The following IGF2BP1 variants were observed in gnomAD, a reference collection of about 807,000 sequenced individuals.
The protein encoded by IGF2BP1 is insulin like growth factor 2 mRNA binding protein 1.
IGF2BP1 carries 11 observed loss-of-function variants against 74.9 expected under a neutral mutation model. The ratio of observed to expected loss-of-function variants is 0.15; its 90% CI spans 0.09 to 0.24. The LOEUF (loss-of-function observed/expected upper bound fraction) is 0.24, where lower values mean the gene tolerates loss of function less well. Ranked by LOEUF, IGF2BP1 falls within the 10% of genes least tolerant of loss-of-function variation. IGF2BP1 has a pLI of 1.00. For missense variants in IGF2BP1, 440 were observed against 757.4 expected (o/e 0.58, Z 4.92); for synonymous variants, 287 against 281.8 (o/e 1.02, Z -0.18).
Position 48,999,095 on chromosome 17 carries a change from T to C in IGF2BP1, c.176-14T>C. 1 of 1,536,330 alleles carries C rather than the reference T, an allele frequency of 6.5e-7. No homozygotes were observed. The highest frequency in any genetic ancestry group is 1.4e-5 in the African/African-American group (1 of 72,622). ...TTCAAGCTCTCATGGTAATTTTTTT[T>C]TTTTAATCTTTAGGGAAAGTAGAAT... On this transcript the variant is annotated splice_polypyrimidine_tract_variant and intron_variant, in intron 1 of 14. Coordinates refer to ENST00000290341, the MANE Select transcript of IGF2BP1 (RefSeq NM_006546.4).
intron 5 of IGF2BP1, among the ~76,000 whole-genome samples, chr17:49,034,736 C>CAAAA (rs1254736118): frequency 3.7e-5 from 4 of 108,822 alleles, no homozygotes; most frequent in African/African-American, 1.7e-4. Flanking sequence ...GACCCTGTCT[C>CAAAA]AAAAAAAACA....
chr17:49,055,503 T>A lies in IGF2BP1; in HGVS notation c.*6059T>A, dbSNP rs562990925. On this transcript the variant is annotated 3_prime_UTR_variant, in exon 15 of 15. Transcript: ENST00000290341. ...GTTTTGGGGATGCTTAAATCTTGAC[T>A]GGCACTTCCCGGCTGTGGGGGCTGG... The A allele has an allele frequency of 2.5e-6, 1 of 393,542 alleles. No homozygotes were observed. Among genetic ancestry groups the A allele is most frequent in the South Asian group, 1.4e-4 (1 of 7,030 alleles). The allele number at this position is 393,542 out of a possible 1,614,324, so 24.4% of individuals were successfully genotyped here. A position where few individuals can be genotyped will look rare whatever the true frequency, so the allele number is the denominator to read the frequency against.
chr17:49,035,699 C>T (rs1184827422), intron 5 of IGF2BP1, among the ~76,000 whole-genome samples: 3 of 152,202 alleles, frequency 2.0e-5, no homozygotes, highest in East Asian at 1.9e-4. Flanking sequence ...CCTGGGCGGC[C>T]GCCCATGCCA....
chr17:48,996,948 CAG>C (rs1209883192), upstream of IGF2BP1, among the ~76,000 whole-genome samples: 1 of 152,176 alleles, frequency 6.6e-6, no homozygotes, highest in Non-Finnish European at 1.5e-5. Flanking sequence ...CTGAAGACCC[CAG>C]AGTCTTCGGC....
In IGF2BP1 at chr17:49,026,459, C is replaced by T. The variant is rs1403247876; in HGVS notation, c.286-7C>T. On this transcript the variant is annotated splice_polypyrimidine_tract_variant and splice_region_variant and intron_variant, in intron 3 of 14. Transcript: ENST00000290341. ...GTTAAGTGTACTTCCCTTCTCCATT[C>T]TCCTAGGTACTGGACAGCCTGCTGG... is the stretch of plus-strand genomic sequence containing the variant. 1 of 1,613,688 alleles carries T rather than the reference C, an allele frequency of 6.2e-7. No homozygotes were observed. Among genetic ancestry groups the T allele is most frequent in the South Asian group, 1.1e-5 (1 of 91,056 alleles).
intron 2 of IGF2BP1, chr17:49,014,660 C>A: frequency 1.9e-6 from 1 of 517,824 alleles, no homozygotes; most frequent in Non-Finnish European, 2.5e-6. Context: ...CACCGCAGGT[C>A]ATGGTTGGCA....
At chr17:49,030,477 G>T (rs1222980717) in intron 4 of IGF2BP1, among the ~76,000 whole-genome samples, 1 of 152,058 alleles carries the variant, frequency 6.6e-6, no homozygotes, top group African/African-American at 2.4e-5. Context: ...TTTGGTTCTT[G>T]TGTCCTTGAG....
At position 49,049,257 on chromosome 17, in the gene IGF2BP1, T is replaced by C. The variant is rs1055645500; in HGVS notation, c.1642-95T>C. 4 of 958,832 alleles carry C rather than the reference T, an allele frequency of 4.2e-6. No homozygotes were observed. The African/African-American group carries it at 6.4e-5, about 15-fold the overall frequency. 59.4% of individuals were successfully genotyped at this position (958,832 alleles called of 1,614,324 possible). On this transcript the variant is annotated intron_variant, in intron 14 of 14. Transcript: ENST00000290341. ...TCTGAGTCCTGTGTGACCTGTTCTG[T>C]TTATTGCCTGTGTCTGGACCTGATG...
At chr17:49,042,466 G>C in intron 9 of IGF2BP1, 89 bp downstream of exon 9, 1 of 1,429,130 alleles carries the variant, frequency 7.0e-7, no homozygotes, top group African/African-American at 1.4e-5. Context: ...CATGTGCCCT[G>C]TGCCGTGTGG....
intron 4 of IGF2BP1, among the ~76,000 whole-genome samples, chr17:49,028,747 C>T (rs1305728942): frequency 1.3e-5 from 2 of 152,196 alleles, no homozygotes; most frequent in African/African-American, 4.8e-5. Context: ...TGAGTCTGCT[C>T]AAAAGTCACT....
At chr17:49,017,669 CATG>C (rs1291434504) in intron 2 of IGF2BP1, 1 of 152,114 alleles carries the variant, frequency 6.6e-6, no homozygotes, top group African/African-American at 2.4e-5. Flanking sequence ...AGTGCAGTGG[CATG>C]ATATCAGCTC....
chr17:49,025,853 C>CTTTTTTTTTT, intron 3 of IGF2BP1, among the ~76,000 whole-genome samples, 187 bp downstream of exon 3: 2 of 140,360 alleles, frequency 1.4e-5, no homozygotes, highest in African/African-American at 2.8e-5. Flanking sequence ...TCTTTCTTTT[C>CTTTTTTTTTT]TTTCTTTTTT....
At chr17:49,035,492 C>G (rs2041975888) in intron 5 of IGF2BP1, among the ~76,000 whole-genome samples, 1 of 152,208 alleles carries the variant, frequency 6.6e-6, no homozygotes, top group South Asian at 2.1e-4. Context: ...GGAGCCTGGG[C>G]AGATGCGGAT....
intron 2 of IGF2BP1, among the ~76,000 whole-genome samples, chr17:49,008,760 T>C (rs2041581194): frequency 6.6e-6 from 1 of 152,130 alleles, no homozygotes; most frequent in African/African-American, 2.4e-5. Flanking sequence ...GAAAAATAAC[T>C]TAAAAAATAT....
chr17:49,024,797 C>G (rs2041831858), intron 2 of IGF2BP1, among the ~76,000 whole-genome samples: 1 of 152,206 alleles, frequency 6.6e-6, no homozygotes, highest in East Asian at 1.9e-4. Context: ...ACACCTTCAA[C>G]CAGGCATTTT....
chr17:48,997,699 C>G lies in IGF2BP1; in HGVS notation c.-47C>G. 1 of 1,586,858 alleles carries G rather than the reference C, an allele frequency of 6.3e-7. No individual in the cohort carries two copies. Among genetic ancestry groups the G allele is most frequent in the Non-Finnish European group, 8.6e-7 (1 of 1,165,330 alleles). On this transcript the variant is annotated 5_prime_UTR_variant, in exon 1 of 15. Coordinates refer to ENST00000290341, the MANE Select transcript of IGF2BP1 (RefSeq NM_006546.4). This position sits in a 1 kb window ranked among gnomAD's most constrained non-coding sequence, Gnocchi z 4.8. ...CTAGGAGGCTCGCCGCCCGCGCCCG[C>G]TCGTTCGGCCTTGCCCGGGACCGCG...
chr17:49,001,040 GTTTTC>G, intron 2 of IGF2BP1, among the ~76,000 whole-genome samples: 1 of 151,928 alleles, frequency 6.6e-6, no homozygotes, highest in African/African-American at 2.4e-5. Context: ...AGTCAGTTGT[GTTTTC>G]TTTGCTTTTT....
At chr17:49,024,831 C>T (rs1374916439) in intron 2 of IGF2BP1, among the ~76,000 whole-genome samples, 1 of 152,232 alleles carries the variant, frequency 6.6e-6, no homozygotes, top group Non-Finnish European at 1.5e-5. Flanking sequence ...ATTTGTGTGT[C>T]TCCAGCATCT....
intron 2 of IGF2BP1, among the ~76,000 whole-genome samples, chr17:49,003,402 T>G (rs1267056262): frequency 6.6e-6 from 1 of 152,164 alleles, no homozygotes; most frequent in East Asian, 1.9e-4. Flanking sequence ...AATTCAGATC[T>G]GGTTTAGTTG....
Sources: gnomAD v4.1 joint callset for allele counts (sites outside exome capture counted in the v4.1 genomes callset) on GRCh38, gnomAD v4.1.1 for gene constraint, Gnocchi (gnomAD v3.1) non-coding constraint, MANE v1.5 for transcripts, NCBI Gene and HGNC (gene_info 2026-07-23, HGNC 2026-07-21) for gene names.